The following XIRP2 variants were observed in gnomAD, a reference collection of about 807,000 sequenced individuals.
The protein encoded by XIRP2 is xin actin binding repeat containing 2.
Under a neutral mutation model 277.0 loss-of-function variants are expected in XIRP2, and 236 were observed. The observed-to-expected ratio is 0.85, with a 90% CI of 0.77 to 0.95. The LOEUF is 0.95. XIRP2 is among the 40% of genes least tolerant of loss of function. The pLI is 0.00. For missense variants in XIRP2, 4,640 were observed against 4,157.5 expected, an observed-to-expected ratio of 1.12 and a Z score of -3.19; for synonymous variants, 1,490 against 1,416.5, an observed-to-expected ratio of 1.05 and a Z score of -1.17.
At chr2:166,905,852 A>G (rs912199186) in intron 2 of XIRP2, among the ~76,000 whole-genome samples, 1 of 151,996 alleles carries the variant, frequency 6.6e-6, no homozygotes, top group Non-Finnish European at 1.5e-5. Flanking sequence ...TTAGGCATGT[A>G]AAAAGAATTC....
chr2:167,014,844 G>T (rs1687777428), intron 2 of XIRP2, among the ~76,000 whole-genome samples: 1 of 151,742 alleles, frequency 6.6e-6, no homozygotes, highest in Non-Finnish European at 1.5e-5. Flanking sequence ...TAAATCACTT[G>T]CTTAAGGTTA....
At chr2:166,946,905 C>G (rs1280539646) in intron 2 of XIRP2, among the ~76,000 whole-genome samples, 1 of 152,058 alleles carries the variant, frequency 6.6e-6, no homozygotes, top group Non-Finnish European at 1.5e-5. Context: ...ATTTGGATCT[C>G]TATGGGCAAA....
intron 2 of XIRP2, among the ~76,000 whole-genome samples, chr2:167,062,583 G>T (rs1374501612): frequency 6.6e-6 from 1 of 152,080 alleles, no homozygotes; most frequent in African/African-American, 2.4e-5. Context: ...ATTACATAAA[G>T]TTGATATTAT....
At chr2:167,126,079 C>A (rs1691193483) in intron 2 of XIRP2, among the ~76,000 whole-genome samples, 2 of 152,204 alleles carry the variant, frequency 1.3e-5, no homozygotes, top group South Asian at 2.1e-4. Context: ...GAGGGAGCCT[C>A]CCAAAAATGA....
chr2:167,183,766 A>C (rs1460612758), intron 3 of XIRP2, among the ~76,000 whole-genome samples: 1 of 151,946 alleles, frequency 6.6e-6, no homozygotes, highest in Non-Finnish European at 1.5e-5. Flanking sequence ...TTTAGTATCA[A>C]TGACAATATT....
chr2:167,034,902 G>A (rs370572768), intron 2 of XIRP2, among the ~76,000 whole-genome samples: 2 of 152,156 alleles, frequency 1.3e-5, no homozygotes, highest in African/African-American at 2.4e-5. Context: ...AGGGCCCCAG[G>A]TGGGGGAAAT....
In XIRP2 at chr2:167,047,268, C is replaced by T. The variant is rs979747515; in HGVS notation, c.409-88641C>T. ...CAACTTACAAAAATTAGTAACATTT[C>T]TTTATGATAGCTATAAACAATAACA... On this transcript the variant is annotated intron_variant, in intron 2 of 10. Coordinates refer to ENST00000409195, the MANE Select transcript of XIRP2 (RefSeq NM_152381.6). Among the ~76,000 whole-genome samples, 30 of 151,750 alleles carry T rather than the reference C, an allele frequency of 2.0e-4. 1 individual carries two copies. Among genetic ancestry groups the T allele is most frequent in the African/African-American group, 6.8e-4 (28 of 41,428 alleles).
chr2:167,256,709 T>A (rs1356377244), intron 10 of XIRP2, among the ~76,000 whole-genome samples: 1 of 151,946 alleles, frequency 6.6e-6, no homozygotes, highest in Non-Finnish European at 1.5e-5. Flanking sequence ...GTAAAATTAG[T>A]TTTCCCAAAC....
chr2:167,218,420 C>T (rs1694323329), intron 5 of XIRP2, 120 bp downstream of exon 5: 1 of 975,820 alleles, frequency 1.0e-6, no homozygotes, highest in Non-Finnish European at 1.4e-6. Context: ...TTAACAAACA[C>T]TGTAGCTTTG....
chr2:166,970,381 A>G (rs1686548553), intron 2 of XIRP2, among the ~76,000 whole-genome samples: 2 of 151,900 alleles, frequency 1.3e-5, no homozygotes, highest in African/African-American at 4.8e-5. Flanking sequence ...AAATTACATG[A>G]GTTTTTGGCA....
At chr2:167,231,506 A>C (rs1056801828) in intron 5 of XIRP2, among the ~76,000 whole-genome samples, 7 of 151,748 alleles carry the variant, frequency 4.6e-5, no homozygotes, top group Non-Finnish European at 1.0e-4. Context: ...ACTGGTTTCC[A>C]TTTGGTTAAG....
rs542887335 is a variant in XIRP2, at chr2:167,121,701, AATTTT to A, written c.409-14204_409-14200del. 7.6e-4 allele frequency among the ~76,000 whole-genome samples: 116 copies of A among 152,294 alleles called. 1 individual carries two copies. The highest frequency in any genetic ancestry group is 6.8e-3 in the Middle Eastern group (2 of 294). On this transcript the variant is annotated intron_variant, in intron 2 of 10. Coordinates refer to ENST00000409195, the MANE Select transcript of XIRP2 (RefSeq NM_152381.6). Reference sequence around the variant, plus strand: ...TGAGAGTGACTGCGGCAAGTTGCAGAATTTTATTCTTGACTGAGAAGGGAAAGAAG... The same window carrying A: ...TGAGAGTGACTGCGGCAAGTTGCAGAATTCTTGACTGAGAAGGGAAAGAAG...
At chr2:166,996,413 T>G (rs1687220934) in intron 2 of XIRP2, among the ~76,000 whole-genome samples, 1 of 152,130 alleles carries the variant, frequency 6.6e-6, no homozygotes. Flanking sequence ...GGCAGATCAC[T>G]TGAGACCAGG....
At chr2:167,051,279 T>C (rs1190529515) in intron 2 of XIRP2, among the ~76,000 whole-genome samples, 1 of 152,150 alleles carries the variant, frequency 6.6e-6, no homozygotes, top group Non-Finnish European at 1.5e-5. Context: ...TCTTCTAAAT[T>C]GCCTTACCAT....
intron 3 of XIRP2, among the ~76,000 whole-genome samples, chr2:167,172,213 G>A (rs1692716908): frequency 6.6e-6 from 1 of 152,086 alleles, no homozygotes; most frequent in African/African-American, 2.4e-5. Context: ...AAACCAACAA[G>A]TTTTTATTAG....
chr2:166,943,292 A>G (rs1434504875), intron 2 of XIRP2, among the ~76,000 whole-genome samples: 1 of 152,238 alleles, frequency 6.6e-6, no homozygotes, highest in Non-Finnish European at 1.5e-5. Context: ...AATTTTAAAT[A>G]TAATTCTAAA....
chr2:167,128,228 T>C (rs767471523), intron 2 of XIRP2, among the ~76,000 whole-genome samples: 2 of 152,194 alleles, frequency 1.3e-5, no homozygotes, highest in Non-Finnish European at 2.9e-5. Context: ...ACTATCCTAA[T>C]GTAGGCTTTT....
chr2:166,995,649 A>T (rs1345470130), intron 2 of XIRP2, among the ~76,000 whole-genome samples: 32 of 152,230 alleles, frequency 2.1e-4, no homozygotes, highest in Non-Finnish European at 2.9e-5. Flanking sequence ...TATGGGGATA[A>T]AAGAAGCAAT....
chr2:167,140,634 A>T (rs879469788), intron 3 of XIRP2, among the ~76,000 whole-genome samples: 1 of 152,152 alleles, frequency 6.6e-6, no homozygotes, highest in Non-Finnish European at 1.5e-5. Flanking sequence ...TACCTACTGT[A>T]CCTTATTTCA....
Sources: gnomAD v4.1 joint callset for allele counts (sites outside exome capture counted in the v4.1 genomes callset) on GRCh38, gnomAD v4.1.1 for gene constraint, MANE v1.5 for transcripts, NCBI Gene and HGNC (gene_info 2026-07-23, HGNC 2026-07-21) for gene names.